SYNRG: variants seen among roughly 807,000 people sequenced by gnomAD.
The protein encoded by SYNRG is AP1 gamma subunit binding protein 1.
Under a neutral mutation model 130.9 loss-of-function variants are expected in SYNRG, and 37 were observed. That is an observed-to-expected ratio of 0.28 (90% CI 0.22 to 0.37). The LOEUF is 0.37. Among genes scored for constraint, SYNRG ranks in the 10% least tolerant of loss-of-function variants. The pLI, the probability that SYNRG is intolerant of heterozygous loss-of-function variation, is 1.00. For synonymous variants in SYNRG, 539 were observed against 568.1 expected, an observed-to-expected ratio of 0.95 and a Z score of 0.73; for missense variants, 1,338 against 1,588.9, an observed-to-expected ratio of 0.84 and a Z score of 2.68.
chr17:37,608,678 C>T (rs1021923690), intron 1 of SYNRG, among the ~76,000 whole-genome samples: 6 of 152,168 alleles, frequency 3.9e-5, no homozygotes, highest in African/African-American at 1.4e-4. Flanking sequence ...ACAGACAAGT[C>T]TTAAGAGTTA....
intron 8 of SYNRG, among the ~76,000 whole-genome samples, chr17:37,575,226 T>A (rs2060724363): frequency 6.6e-6 from 1 of 152,000 alleles, no homozygotes; most frequent in South Asian, 2.1e-4. Flanking sequence ...AGGAATAAGA[T>A]CTAGTATTTG....
chr17:37,589,972 A>G (rs528310243), intron 3 of SYNRG, among the ~76,000 whole-genome samples: 89 of 152,108 alleles, frequency 5.9e-4, no homozygotes, highest in Non-Finnish European at 1.2e-3. Flanking sequence ...GGAGTTCCAG[A>G]TCAGCCTGGA....
chr17:37,533,588 C>CTT (rs533546189), intron 19 of SYNRG, among the ~76,000 whole-genome samples: 27 of 135,340 alleles, frequency 2.0e-4, no homozygotes, highest in African/African-American at 3.0e-4. Flanking sequence ...TTTTCTTTTT[C>CTT]TTTTTTTTTT....
chr17:37,601,049 C>CTTTATT (rs948658809), intron 1 of SYNRG: 1 of 152,064 alleles, frequency 6.6e-6, no homozygotes, highest in Admixed American at 6.6e-5. Context: ...TGTACAGGGC[C>CTTTATT]TTTATTTTTA....
intron 3 of SYNRG, 57 bp from the exon 4 acceptor site, chr17:37,586,606 A>G: frequency 6.3e-7 from 1 of 1,585,406 alleles, no homozygotes; most frequent in South Asian, 1.1e-5. Context: ...ATTATCACAC[A>G]CAAAAATGTG....
rs1010636180 is a variant in SYNRG, at chr17:37,609,136, C to T, written c.77+143G>A. The T allele has an allele frequency of 7.9e-6, 8 of 1,010,048 alleles. No individual in the cohort carries two copies. In the African/African-American group the frequency reaches 1.3e-4, roughly 17 times the overall value. The allele number at this position is 1,010,048 out of a possible 1,614,324, so 62.6% of individuals were successfully genotyped here. ...CTGGGCTCCACACGCCCCTTTCGGC[C>T]TGGGTCCCTGGGGGATGACCCTCCT... On this transcript the variant is annotated intron_variant, in intron 1 of 21. Coordinates refer to ENST00000612223, the MANE Select transcript of SYNRG (RefSeq NM_007247.6).
chr17:37,577,680 C>T, intron 6 of SYNRG, 67 bp from the exon 7 acceptor site: 1 of 1,104,462 alleles, frequency 9.1e-7, no homozygotes, highest in South Asian at 1.4e-5. Context: ...AACCATCCAT[C>T]TCCACCCCCA....
intron 8 of SYNRG, among the ~76,000 whole-genome samples, chr17:37,574,459 TG>T (rs1398115825): frequency 6.6e-6 from 1 of 151,946 alleles, no homozygotes; most frequent in Non-Finnish European, 1.5e-5. Context: ...ATCAACAAAA[TG>T]GACAACCCAC....
chr17:37,579,733 C>T lies in SYNRG; in HGVS notation c.590-2120G>A, dbSNP rs761986388. 2.0e-5 allele frequency among the ~76,000 whole-genome samples: 3 copies of T among 152,310 alleles called. 1 individual carries two copies. Among genetic ancestry groups the T allele is most frequent in the Middle Eastern group, 6.8e-3 (2 of 294 alleles). ...TATTCATTTATTTTAGAGACAGGATCTTGCTCTGTCACCTAGGCTACAGTG... is the reference window on the plus strand; with the variant it reads ...TATTCATTTATTTTAGAGACAGGATTTTGCTCTGTCACCTAGGCTACAGTG... On this transcript the variant is annotated intron_variant, in intron 6 of 21. Coordinates refer to ENST00000612223, the MANE Select transcript of SYNRG (RefSeq NM_007247.6).
chr17:37,516,995 G>C lies in SYNRG; in HGVS notation c.*1945C>G, dbSNP rs914861932. 1.3e-5 allele frequency: 2 copies of C among 152,218 alleles called. No homozygotes were observed. The highest frequency in any genetic ancestry group is 4.8e-5 in the African/African-American group (2 of 41,448). 9.4% of individuals were successfully genotyped at this position (152,218 alleles called of 1,614,324 possible). ...GGTACTTTGGGAGGCTGAGGCGGGC[G>C]GATCGCCTGAGGTCCGGAGTTCAAG... On this transcript the variant is annotated 3_prime_UTR_variant, in exon 22 of 22. Coordinates refer to ENST00000612223, the MANE Select transcript of SYNRG (RefSeq NM_007247.6).
chr17:37,560,868 T>C (rs1272809667), intron 13 of SYNRG, among the ~76,000 whole-genome samples: 9 of 152,096 alleles, frequency 5.9e-5, no homozygotes, highest in African/African-American at 2.2e-4. Context: ...TTTTGCCACG[T>C]TGGCCAGGCT....
rs1228572862 is a variant in SYNRG at position 37,554,585 on chromosome 17, T to G, written c.1664-526A>C. ...TTAGCCAGGCACTTTAAGAATAACATTAGATACTATGTGGTCTTGCTCAAG... is the reference window on the plus strand; with the variant it reads ...TTAGCCAGGCACTTTAAGAATAACAGTAGATACTATGTGGTCTTGCTCAAG... On this transcript the variant is annotated intron_variant, in intron 13 of 21. Coordinates refer to ENST00000612223, the MANE Select transcript of SYNRG (RefSeq NM_007247.6). 3.3e-5 allele frequency among the ~76,000 whole-genome samples: 5 copies of G among 152,310 alleles called. No homozygotes were observed. In the East Asian group the frequency reaches 9.6e-4, roughly 29 times the overall value.
chr17:37,553,655 C>T lies in SYNRG; in HGVS notation c.2068G>A (p.Asp690Asn). 6.2e-7 allele frequency: 1 copy of T among 1,614,012 alleles called. No individual in the cohort carries two copies. Among genetic ancestry groups the T allele is most frequent in the Non-Finnish European group, 8.5e-7 (1 of 1,180,006 alleles). ...SGLAPVGEQD[D>N]FADFMAFSNS... ...CTGAAAGCCATAAAATCTGCAAAGT[C>T]ATCCTGCTCCCCAACAGGTGCTAGA... The change falls in exon 14 of 22, where the codon GAC becomes AAC. Residue 690 changes from aspartate (D) to asparagine (N), a missense_variant. Asp to Asn is a conservative substitution (Grantham distance 23). This residue lies in a region of SYNRG where 1,146 missense variants were observed against 1,342.3 expected (regional missense o/e 0.85). Transcript: ENST00000612223.
chr17:37,540,874 A>C (rs1432612039), intron 15 of SYNRG: 4 of 999,770 alleles, frequency 4.0e-6, no homozygotes, highest in African/African-American at 3.5e-5. Flanking sequence ...ATCTCAAGTT[A>C]TCTGCCTGCC....
At chr17:37,520,947 G>A (rs2054949862) in intron 19 of SYNRG, among the ~76,000 whole-genome samples, 1 of 152,162 alleles carries the variant, frequency 6.6e-6, no homozygotes, top group Admixed American at 6.5e-5. Context: ...AGTCCTGAGT[G>A]CCAGGGCACA....
intron 3 of SYNRG, among the ~76,000 whole-genome samples, chr17:37,593,691 C>A (rs1476272478): frequency 6.6e-6 from 1 of 152,220 alleles, no homozygotes; most frequent in South Asian, 2.1e-4. Context: ...TTGAAACCAG[C>A]CTGGTCAACA....
intron 3 of SYNRG, among the ~76,000 whole-genome samples, chr17:37,590,913 A>C (rs1286933981): frequency 6.6e-6 from 1 of 152,162 alleles, no homozygotes; most frequent in African/African-American, 2.4e-5. Context: ...AGAGTAGTAT[A>C]AAAATACATA....
intron 3 of SYNRG, among the ~76,000 whole-genome samples, chr17:37,594,177 CAATATTAATTAT>C (rs2062479622): frequency 2.2e-5 from 2 of 89,940 alleles, no homozygotes; most frequent in African/African-American, 5.2e-5. Context: ...ATATTAATTA[CAATATTAATTAT>C]TTTAATTATA....
At chr17:37,584,627 T>C in intron 6 of SYNRG, 21 bp downstream of exon 6, 1 of 1,599,502 alleles carries the variant, frequency 6.3e-7, no homozygotes, top group East Asian at 2.2e-5. Flanking sequence ...AAAAGAAAAA[T>C]ATAATGCCTC....
Sources: allele counts gnomAD v4.1 joint callset (sites outside exome capture counted in the v4.1 genomes callset), GRCh38; gene constraint gnomAD v4.1.1; regional missense constraint gnomAD v4.1.1; transcripts MANE v1.5; gene names NCBI Gene and HGNC (gene_info 2026-07-23, HGNC 2026-07-21).